Variants in CENPC observed in about 807,000 individuals in gnomAD.
CENPC encodes the protein centromere protein C.
Under a neutral mutation model 112.1 loss-of-function variants are expected in CENPC, and 63 were observed. The ratio of observed to expected loss-of-function variants is 0.56; its 90% CI spans 0.46 to 0.69. CENPC has a LOEUF of 0.69. Ranked by LOEUF, CENPC falls within the 30% of genes least tolerant of loss-of-function variation. The pLI, the probability that CENPC is intolerant of heterozygous loss-of-function variation, is 0.00. For synonymous variants in CENPC, 333 were observed against 367.6 expected (o/e 0.91, Z 1.08); for missense variants, 1,000 against 1,103.8 (o/e 0.91, Z 1.33).
At position 67,470,666 on chromosome 4, in the gene CENPC, T is replaced by C. The variant is rs181038402; in HGVS notation, c.*1939A>G. The C allele has an allele frequency of 3.9e-5, 6 of 152,314 alleles. No homozygotes were observed. Among genetic ancestry groups the C allele is most frequent in the African/African-American group, 1.2e-4 (5 of 41,566 alleles). The allele number at this position is 152,314 out of a possible 1,614,324, so 9.4% of individuals were successfully genotyped here. A position where few individuals can be genotyped will look rare whatever the true frequency, so the allele number is the denominator to read the frequency against. On this transcript the variant is annotated 3_prime_UTR_variant, in exon 19 of 19. Transcript: ENST00000273853. ...AGAACTGTTGGAATCTGTGGCCTCC[T>C]TGAGTGAGGTCTCACCCACCCCTAG... is the stretch of plus-strand genomic sequence containing the variant.
rs543957983 is a variant in CENPC at position 67,503,254 on chromosome 4, C to G, written c.2131+1951G>C. ...CCTTCTTGGTGTTCCTCGATCAAGA[C>G]AGACTCTTGACCACATAAGAACTTT... On this transcript the variant is annotated intron_variant, in intron 12 of 18. Transcript: ENST00000273853. 7.0e-4 allele frequency among the ~76,000 whole-genome samples: 107 copies of G among 152,258 alleles called. 2 individuals are homozygous for G. The South Asian group carries it at 0.021, about 30-fold the overall frequency.
At chr4:67,518,650 T>C (rs1726130101) in intron 6 of CENPC, among the ~76,000 whole-genome samples, 1 of 152,290 alleles carries the variant, frequency 6.6e-6, no homozygotes, top group Non-Finnish European at 1.5e-5. Flanking sequence ...CAGGGCAATC[T>C]TAGAGCACTG....
chr4:67,500,321 T>C (rs1244035842), intron 12 of CENPC, among the ~76,000 whole-genome samples: 1 of 152,134 alleles, frequency 6.6e-6, no homozygotes, highest in East Asian at 1.9e-4. Context: ...TAGATATAGA[T>C]GCCTGTATTG....
chr4:67,510,865 T>A (rs1388321447), intron 9 of CENPC: 1 of 397,296 alleles, frequency 2.5e-6, no homozygotes, highest in Non-Finnish European at 5.0e-6. Context: ...CTTTTTCGAC[T>A]CCCAGCTTGA....
At chr4:67,490,842 ATATATATAT>A (rs572326585) in intron 16 of CENPC, among the ~76,000 whole-genome samples, 164 of 9,346 alleles carry the variant, frequency 0.018, no homozygotes, top group African/African-American at 0.028. Context: ...AAATAAATAT[ATATATATAT>A]ATATATATAT....
intron 1 of CENPC, among the ~76,000 whole-genome samples, chr4:67,544,899 G>T (rs1432551994): frequency 6.6e-6 from 1 of 152,104 alleles, no homozygotes; most frequent in Non-Finnish European, 1.5e-5. Flanking sequence ...CAAGTGTGAC[G>T]CAAAGACACA....
intron 17 of CENPC, among the ~76,000 whole-genome samples, chr4:67,489,381 T>C (rs1470036625): frequency 1.4e-5 from 2 of 144,280 alleles, no homozygotes; most frequent in African/African-American, 2.6e-5. Context: ...CATATAATAG[T>C]ATATTATTTA....
At chr4:67,475,745 C>T (rs910092522) in intron 17 of CENPC, among the ~76,000 whole-genome samples, 6 of 152,142 alleles carry the variant, frequency 3.9e-5, no homozygotes, top group Non-Finnish European at 7.4e-5. Context: ...ACTACAGGCG[C>T]CCGCCATCGC....
rs1481991353 is a variant in CENPC at position 67,506,855 on chromosome 4, T to C, written c.1984A>G (p.Thr662Ala). The change falls in exon 11 of 19, where the codon ACA (threonine) becomes GCA (alanine). Residue 662 changes from threonine to alanine, a missense_variant. Transcript: ENST00000273853. ...VPLKPQTSGY[T>A]CNIPTESNLD... ...TTTGACTCTGTTGGTATATTACATG[T>C]ATATCCACTGGTCTGAGGCTTTAGG... 1.9e-6 allele frequency: 3 copies of C among 1,612,214 alleles called. No homozygotes were observed. The highest frequency in any genetic ancestry group is 1.1e-5 in the South Asian group (1 of 90,986).
intron 18 of CENPC, among the ~76,000 whole-genome samples, chr4:67,472,942 A>C (rs1330632512): frequency 6.6e-6 from 1 of 152,372 alleles, no homozygotes; most frequent in South Asian, 2.1e-4. Flanking sequence ...GTGTAAGAAA[A>C]GAAAATCTCT....
Position 67,492,192 on chromosome 4 carries a change from T to C in CENPC, c.2503A>G (p.Ile835Val). The change falls in exon 16 of 19, where the codon ATT (isoleucine) becomes GTT (valine). Residue 835 changes from isoleucine to valine, a missense_variant. Physicochemically the swap from Ile to Val is conservative, Grantham distance 29. Coordinates refer to ENST00000273853, the MANE Select transcript of CENPC (RefSeq NM_001812.4). ...TRVKDPETRE[I>V]ILMDLVRPQD... Reference sequence around the variant, plus strand: ...TGCCTGATCTTACCCATGAGAATAATCTCTCTTGTTTCTGGGTCCTTTACC... The same window carrying C: ...TGCCTGATCTTACCCATGAGAATAACCTCTCTTGTTTCTGGGTCCTTTACC... The C allele has an allele frequency of 6.4e-7, 1 of 1,558,074 alleles. No homozygotes were observed. The highest frequency in any genetic ancestry group is 8.7e-7 in the Non-Finnish European group (1 of 1,147,462).
rs36207189 is a variant in CENPC at position 67,509,207 on chromosome 4, T to TACACACAC, written c.1613-110_1613-103dup. ...ATATTTGCATATAAACATATACACA[T>TACACACAC]ACACACACACACACACACACACACA... On this transcript the variant is annotated intron_variant, in intron 9 of 18. Transcript: ENST00000273853. 2.4e-3 allele frequency: 1,148 copies of TACACACAC among 485,926 alleles called. 3 individuals carry two copies. Among genetic ancestry groups the TACACACAC allele is most frequent in the Non-Finnish European group, 3.3e-3 (873 of 266,798 alleles). The allele number at this position is 485,926 out of a possible 1,614,324, so 30.1% of individuals were successfully genotyped here.
chr4:67,511,818 C>G (rs1560432716), intron 9 of CENPC, among the ~76,000 whole-genome samples: 1 of 152,070 alleles, frequency 6.6e-6, no homozygotes, highest in Non-Finnish European at 1.5e-5. Context: ...CTGTGGGAAT[C>G]CACTGGGAAA....
intron 2 of CENPC, among the ~76,000 whole-genome samples, chr4:67,543,623 T>C (rs2109839440): frequency 6.6e-6 from 1 of 152,312 alleles, no homozygotes; most frequent in South Asian, 2.1e-4. Flanking sequence ...TGTGCCCCAT[T>C]GGACCTACTA....
intron 12 of CENPC, among the ~76,000 whole-genome samples, chr4:67,499,013 G>A (rs1160121329): frequency 6.6e-6 from 1 of 152,190 alleles, no homozygotes; most frequent in Admixed American, 6.5e-5. Context: ...CAGAATGAAT[G>A]CTCTCTTAGT....
At chr4:67,472,756 C>T in intron 18 of CENPC, 81 bp from the exon 19 acceptor site, 1 of 1,320,214 alleles carries the variant, frequency 7.6e-7, no homozygotes, top group Non-Finnish European at 9.8e-7. Flanking sequence ...CATCACCTGA[C>T]AGTTGTAGTA....
At chr4:67,537,866 C>T (rs1726772963) in intron 4 of CENPC, among the ~76,000 whole-genome samples, 1 of 152,014 alleles carries the variant, frequency 6.6e-6, no homozygotes, top group Non-Finnish European at 1.5e-5. Context: ...CACCTATAGT[C>T]CTAGGTAGTC....
intron 7 of CENPC, among the ~76,000 whole-genome samples, chr4:67,516,579 C>A (rs1373007665): frequency 6.6e-6 from 1 of 151,934 alleles, no homozygotes; most frequent in East Asian, 1.9e-4. Flanking sequence ...AGCAAATACT[C>A]TAAAAAATAT....
intron 17 of CENPC, among the ~76,000 whole-genome samples, chr4:67,480,780 TAGA>T (rs1724936192): frequency 6.6e-6 from 1 of 152,194 alleles, no homozygotes; most frequent in African/African-American, 2.4e-5. Flanking sequence ...AAAATCGGCA[TAGA>T]AGGAGCATAA....
Sources: gnomAD v4.1 joint callset for allele counts (sites outside exome capture counted in the v4.1 genomes callset) on GRCh38, gnomAD v4.1.1 for gene constraint, MANE v1.5 for transcripts, NCBI Gene and HGNC (gene_info 2026-07-23, HGNC 2026-07-21) for gene names.